Variants in DNASE1 observed in about 807,000 individuals in gnomAD.
The protein encoded by DNASE1 is deoxyribonuclease-1.
In DNASE1, 40 loss-of-function variants were observed where a neutral mutation model predicts 33.9. That is an observed-to-expected ratio of 1.18 (90% CI 0.92 to 1.54). The LOEUF (loss-of-function observed/expected upper bound fraction) is 1.54, where lower values mean the gene tolerates loss of function less well. Ranked by LOEUF, DNASE1 falls within the 40% of genes most tolerant of loss-of-function variation. DNASE1 has a pLI of 0.00. For synonymous variants in DNASE1, 216 were observed against 160.0 expected (o/e 1.35, Z -2.64); for missense variants, 518 against 372.6 (o/e 1.39, Z -3.21).
chr16:3,618,558 C>T (rs574382877), intron 1 of DNASE1, among the ~76,000 whole-genome samples: 102 of 152,188 alleles, frequency 6.7e-4, no homozygotes, highest in African/African-American at 1.5e-3. Context: ...GGTGAAACCC[C>T]GTCTCTACTA....
At chr16:3,617,608 G>T (rs1181077355) in intron 1 of DNASE1, among the ~76,000 whole-genome samples, 1 of 152,048 alleles carries the variant, frequency 6.6e-6, no homozygotes, top group East Asian at 1.9e-4. Context: ...ATATGTGAAG[G>T]CCTCAACCGC....
At chr16:3,618,532 C>A (rs1169836992) in intron 1 of DNASE1, among the ~76,000 whole-genome samples, 2 of 152,170 alleles carry the variant, frequency 1.3e-5, no homozygotes, top group Non-Finnish European at 2.9e-5. Flanking sequence ...GAGTTTGAGA[C>A]CAGCTTGGCC....
At chr16:3,633,550 G>A (rs2041766196) in intron 1 of DNASE1, among the ~76,000 whole-genome samples, 1 of 151,606 alleles carries the variant, frequency 6.6e-6, no homozygotes, top group South Asian at 2.1e-4. Flanking sequence ...GGAGGTTGCA[G>A]TGAGCCGAGA....
At chr16:3,656,297 G>T (rs2032496270) in intron 4 of DNASE1, 112 bp downstream of exon 4, 1 of 1,193,700 alleles carries the variant, frequency 8.4e-7, no homozygotes, top group Non-Finnish European at 1.2e-6. Context: ...TGAGGCTTCA[G>T]AGCAGGGTCC....
chr16:3,638,770 C>G (rs1484912996), upstream of DNASE1, among the ~76,000 whole-genome samples: 1 of 152,242 alleles, frequency 6.6e-6, no homozygotes, highest in Non-Finnish European at 1.5e-5. Context: ...ATTATGTGCA[C>G]ATTAGACAGC....
At chr16:3,638,627 C>A (rs2041945946), upstream of DNASE1, among the ~76,000 whole-genome samples, 1 of 152,204 alleles carries the variant, frequency 6.6e-6, no homozygotes, top group South Asian at 2.1e-4. Context: ...CGTGAGCCAC[C>A]ACGCCCGGCC....
intron 1 of DNASE1, among the ~76,000 whole-genome samples, chr16:3,624,661 T>C (rs2041443965): frequency 6.6e-6 from 1 of 152,114 alleles, no homozygotes; most frequent in African/African-American, 2.4e-5. Context: ...TGTGTAACAA[T>C]TTTTTTGCAA....
chr16:3,660,465 CCT>C (rs1434586492), downstream of DNASE1: 1 of 150,980 alleles, frequency 6.6e-6, no homozygotes, highest in Non-Finnish European at 1.5e-5. Flanking sequence ...AGAGCAAGAC[CCT>C]GTCTCCAAAA....
chr16:3,661,822 A>G (rs2043092570), downstream of DNASE1: 29 of 903,084 alleles, frequency 3.2e-5, no homozygotes, highest in South Asian at 7.4e-4. Flanking sequence ...GCCAGGTTCC[A>G]TTTCACATGG....
downstream of DNASE1, chr16:3,662,939 C>T (rs774836058): frequency 2.5e-5 from 41 of 1,612,404 alleles, no homozygotes; most frequent in African/African-American, 6.7e-5. Flanking sequence ...TGAGCTCCTC[C>T]GTCTCCTTCT....
At chr16:3,658,170 G>A (rs143664485), downstream of DNASE1, 352 of 1,613,942 alleles carry the variant, frequency 2.2e-4, 2 homozygotes, top group African/African-American at 8.5e-4. Flanking sequence ...TCATTCAAGC[G>A]GCCCACCATG....
chr16:3,656,663 A>G lies in DNASE1; in HGVS notation c.346A>G (p.Ser116Gly). The G allele has an allele frequency of 1.2e-6, 2 of 1,612,964 alleles. No homozygotes were observed. Among genetic ancestry groups the G allele is most frequent in the Non-Finnish European group, 1.7e-6 (2 of 1,179,568 alleles). The change falls in exon 5 of 9, where the codon AGC (serine) becomes GGC (glycine). Residue 116 changes from serine to glycine, a missense_variant. Coordinates refer to ENST00000246949, the MANE Select transcript of DNASE1 (RefSeq NM_005223.4). ...GCCTGACCAGGTGTCTGCGGTGGACAGCTACTACTACGATGATGGCTGCGA... is the reference window on the plus strand; with the variant it reads ...GCCTGACCAGGTGTCTGCGGTGGACGGCTACTACTACGATGATGGCTGCGA... The part of the protein sequence containing the change: ...YRPDQVSAVD[S>G]YYYDDGCEPC...
At chr16:3,614,171 CAG>C (rs2041017531) in intron 1 of DNASE1, among the ~76,000 whole-genome samples, 1 of 152,086 alleles carries the variant, frequency 6.6e-6, no homozygotes, top group Non-Finnish European at 1.5e-5. Context: ...CTTGGCCTCC[CAG>C]AGTGCTGGGA....
In DNASE1 at chr16:3,614,316, G is replaced by T. The variant is rs2041023406; in HGVS notation, c.-1359+2310G>T. ...GATCTTCCTGCCTGGACCTCCCAAA[G>T]GGCTGGGATTACTGGTGTGAGCCAC... On this transcript the variant is annotated intron_variant and NMD_transcript_variant, in intron 1 of 11. Coordinates refer to the DNASE1 transcript ENST00000570769. 1.3e-5 allele frequency among the ~76,000 whole-genome samples: 2 copies of T among 151,864 alleles called. 1 individual carries two copies. The highest frequency in any genetic ancestry group is 4.2e-4 in the South Asian group (2 of 4,802).
chr16:3,634,858 C>A (rs934706377), intron 1 of DNASE1, among the ~76,000 whole-genome samples: 3 of 151,926 alleles, frequency 2.0e-5, no homozygotes, highest in African/African-American at 7.3e-5. Flanking sequence ...ACTATGTGGC[C>A]CAGGCTAGAG....
chr16:3,655,652 A>G (rs1378186732), intron 2 of DNASE1, 132 bp downstream of exon 2: 1 of 1,481,080 alleles, frequency 6.8e-7, no homozygotes, highest in African/African-American at 1.4e-5. Flanking sequence ...AGCACGGTGG[A>G]ACAGGCTCTT....
intron 1 of DNASE1, among the ~76,000 whole-genome samples, chr16:3,649,397 C>T (rs1351082652): frequency 6.6e-6 from 1 of 152,144 alleles, no homozygotes; most frequent in Non-Finnish European, 1.5e-5. Flanking sequence ...TCCTAGCATC[C>T]CCCTAAGGTG....
At chr16:3,663,260 A>C in exon 10 of DNASE1, 1 of 890,950 alleles carries the variant, frequency 1.1e-6, no homozygotes. Flanking sequence ...CTAAACCAGG[A>C]GGCACCTTCC....
chr16:3,657,305 A>G lies in DNASE1; in HGVS notation c.668A>G (p.Asp223Gly). ...CAGTGGCTGATCCCCGACAGCGCTG[A>G]CACCACAGCTACACCCACGCACTGT... ...TFQWLIPDSADTTATPTHCAY... is the reference protein window; with the variant it reads ...TFQWLIPDSAGTTATPTHCAY... The change falls in exon 7 of 9, where the codon GAC becomes GGC. Residue 223 changes from aspartate to glycine, a missense_variant. Coordinates refer to ENST00000246949, the MANE Select transcript of DNASE1 (RefSeq NM_005223.4). 1 of 1,613,836 alleles carries G rather than the reference A, an allele frequency of 6.2e-7. No homozygotes were observed. The highest frequency in any genetic ancestry group is 8.5e-7 in the Non-Finnish European group (1 of 1,180,016).
Sources: allele counts gnomAD v4.1 joint callset (sites outside exome capture counted in the v4.1 genomes callset), GRCh38; gene constraint gnomAD v4.1.1; transcripts MANE v1.5; gene names NCBI Gene and HGNC (gene_info 2026-07-23, HGNC 2026-07-21).